OVAAL: variants seen among roughly 807,000 people sequenced by gnomAD.
OVAAL encodes the protein ovarian adenocarcinoma amplified long non-coding RNA.
intron 2 of OVAAL, among the ~76,000 whole-genome samples, chr1:180,564,251 C>G (rs1342482927): frequency 6.6e-6 from 1 of 152,022 alleles, no homozygotes; most frequent in Non-Finnish European, 1.5e-5. Context: ...AGTCGGATTG[C>G]CAGTTAAAAT....
chr1:180,560,847 T>G (rs1287510234), intron 1 of OVAAL, among the ~76,000 whole-genome samples: 4 of 152,218 alleles, frequency 2.6e-5, no homozygotes, highest in African/African-American at 7.2e-5. Context: ...TCAAACTCCT[T>G]TTAGAAGTGT....
chr1:180,560,285 G>A (rs1185936906), intron 1 of OVAAL, among the ~76,000 whole-genome samples: 3 of 152,070 alleles, frequency 2.0e-5, no homozygotes, highest in East Asian at 1.9e-4. Flanking sequence ...AGGTGATATC[G>A]AGGAGTTCAG....
intron 1 of OVAAL, among the ~76,000 whole-genome samples, chr1:180,559,862 C>T (rs374909631): frequency 1.6e-4 from 24 of 147,540 alleles, no homozygotes; most frequent in African/African-American, 4.5e-4. Flanking sequence ...GCCAAGATCA[C>T]GACACTGCAC....
intron 1 of OVAAL, among the ~76,000 whole-genome samples, chr1:180,560,691 G>A (rs565523496): frequency 1.3e-5 from 2 of 152,252 alleles, no homozygotes; most frequent in African/African-American, 4.8e-5. Flanking sequence ...GGCTAAGTTA[G>A]CAGAGAGAAC....
chr1:180,564,638 C>T (rs765461295), intron 2 of OVAAL, among the ~76,000 whole-genome samples: 4 of 152,144 alleles, frequency 2.6e-5, no homozygotes, highest in African/African-American at 7.2e-5. Context: ...ACTAGGAATA[C>T]GCTGGGACTA....
At chr1:180,563,632 T>C (rs530441436) in intron 2 of OVAAL, among the ~76,000 whole-genome samples, 108 of 152,318 alleles carry the variant, frequency 7.1e-4, no homozygotes, top group African/African-American at 2.5e-3. Flanking sequence ...TTTGTCCATA[T>C]GTGTAGTGAC....
At chr1:180,563,947 C>T (rs988270943) in intron 2 of OVAAL, among the ~76,000 whole-genome samples, 8 of 152,076 alleles carry the variant, frequency 5.3e-5, no homozygotes, top group Non-Finnish European at 7.4e-5. Context: ...GACCATCACC[C>T]GATGGTCGCC....
At chr1:180,559,767 G>A (rs1047871689) in intron 1 of OVAAL, among the ~76,000 whole-genome samples, 4 of 151,922 alleles carry the variant, frequency 2.6e-5, no homozygotes, top group Non-Finnish European at 5.9e-5. Context: ...TTAGCTGGGC[G>A]TGGTGGTGTG....
chr1:180,562,929 T>C (rs1229656266), intron 2 of OVAAL, among the ~76,000 whole-genome samples: 1 of 152,202 alleles, frequency 6.6e-6, no homozygotes, highest in Non-Finnish European at 1.5e-5. Flanking sequence ...AAGATAAAAC[T>C]GAGAACATGT....
At chr1:180,560,501 A>T (rs1653180783) in intron 1 of OVAAL, among the ~76,000 whole-genome samples, 1 of 152,218 alleles carries the variant, frequency 6.6e-6, no homozygotes, top group Non-Finnish European at 1.5e-5. Flanking sequence ...AAAAGAGCAG[A>T]TACACTAGAA....
At chr1:180,559,253 G>A (rs1653157343) in intron 1 of OVAAL, among the ~76,000 whole-genome samples, 1 of 152,304 alleles carries the variant, frequency 6.6e-6, no homozygotes, top group East Asian at 1.9e-4. Context: ...AAAAAGACGG[G>A]AAAATGTGGG....
chr1:180,563,648 A>G (rs114027727), intron 2 of OVAAL, among the ~76,000 whole-genome samples: 2,877 of 152,296 alleles, frequency 0.019, 83 homozygotes, highest in African/African-American at 0.064. Context: ...GTGACCTGCT[A>G]GCACTTGGGA....
intron 1 of OVAAL, among the ~76,000 whole-genome samples, chr1:180,561,984 C>G (rs1394544356): frequency 6.6e-6 from 1 of 150,938 alleles, no homozygotes; most frequent in Admixed American, 6.6e-5. Context: ...GATTGCACCA[C>G]TGCACTCCAG....
intron 2 of OVAAL, among the ~76,000 whole-genome samples, chr1:180,563,809 A>G (rs1653247802): frequency 6.6e-6 from 1 of 152,054 alleles, no homozygotes; most frequent in South Asian, 2.1e-4. Flanking sequence ...CGCACGCCCA[A>G]CTCCTGGGAT....
intron 1 of OVAAL, among the ~76,000 whole-genome samples, chr1:180,559,630 G>A (rs750975135): frequency 1.9e-4 from 29 of 152,222 alleles, no homozygotes; most frequent in Non-Finnish European, 3.7e-4. Context: ...AAACCCGGCC[G>A]GGCACGGTGG....
chr1:180,560,498 C>T lies in OVAAL; in HGVS notation n.373-1706C>T, dbSNP rs577799551. 1.6e-4 allele frequency among the ~76,000 whole-genome samples: 24 copies of T among 152,290 alleles called. No individual in the cohort carries two copies. The South Asian group carries it at 4.3e-3, about 28-fold the overall frequency. On this transcript the variant is annotated intron_variant and non_coding_transcript_variant, in intron 1 of 2. Coordinates refer to ENST00000673955, the Ensembl canonical transcript of OVAAL. ...TCCTCCTAGGGTGTCTCAAAAAGAG[C>T]AGATACACTAGAAGTTATATTTAGA...
exon 3 of OVAAL, chr1:180,566,515 G>A (rs1027901508): frequency 1.1e-4 from 17 of 152,136 alleles, no homozygotes; most frequent in South Asian, 4.1e-4. Context: ...ATTTTAAAAC[G>A]TTTCATGCCC....
At chr1:180,560,934 G>A (rs182506814) in intron 1 of OVAAL, among the ~76,000 whole-genome samples, 24 of 152,270 alleles carry the variant, frequency 1.6e-4, no homozygotes, top group Non-Finnish European at 2.5e-4. Flanking sequence ...AGAACGCCAC[G>A]CTTACATTTT....
chr1:180,563,096 C>T (rs920345851), intron 2 of OVAAL, among the ~76,000 whole-genome samples: 5 of 152,210 alleles, frequency 3.3e-5, no homozygotes, highest in South Asian at 4.1e-4. Flanking sequence ...TTTAGAGCTA[C>T]TCCCAGCAGG....
Sources: allele counts gnomAD v4.1 joint callset (sites outside exome capture counted in the v4.1 genomes callset), GRCh38; gene constraint gnomAD v4.1.1; transcripts MANE v1.5; gene names NCBI Gene and HGNC (gene_info 2026-07-23, HGNC 2026-07-21).